The following TPCN1 variants were observed in gnomAD, a reference collection of about 807,000 sequenced individuals.
TPCN1 encodes the protein two pore channel protein 1.
In TPCN1, 52 loss-of-function variants were observed where a neutral mutation model predicts 108.8. The ratio of observed to expected loss-of-function variants is 0.48; its 90% CI spans 0.38 to 0.60. TPCN1 has a LOEUF of 0.60. TPCN1 is among the 20% of genes least tolerant of loss of function. TPCN1 has a pLI of 0.00. For synonymous variants in TPCN1, 446 were observed against 433.7 expected, an observed-to-expected ratio of 1.03 and a Z score of -0.35; for missense variants, 806 against 1,072.8, an observed-to-expected ratio of 0.75 and a Z score of 3.47.
rs560710381 is a variant in TPCN1 at position 113,277,355 on chromosome 12, C to T, written c.1175C>T (p.Pro392Leu). 1.4e-5 allele frequency: 22 copies of T among 1,614,180 alleles called. No homozygotes were observed. Among genetic ancestry groups the T allele is most frequent in the Middle Eastern group, 1.6e-4 (1 of 6,062 alleles). Residue 392 changes from proline to leucine, a missense_variant, in exon 12 of 28, where the codon CCC (proline) becomes CTC (leucine). Pro to Leu is a moderately conservative substitution (Grantham distance 98). Transcript: ENST00000335509. The part of the protein sequence containing the change: ...TFKALNQNNT[P>L]LLSLKDFYDI... The stretch of plus-strand genomic sequence containing the variant: ...AAGGCCCTGAATCAGAACAACACAC[C>T]CCTGCTCAGGTAAGAGCAGATGCCT...
intron 2 of TPCN1, among the ~76,000 whole-genome samples, chr12:113,246,517 A>G (rs1954390644): frequency 6.6e-6 from 1 of 152,194 alleles, no homozygotes; most frequent in Non-Finnish European, 1.5e-5. Flanking sequence ...TGTGGGAGCC[A>G]GGGAGACTGC....
intron 7 of TPCN1, among the ~76,000 whole-genome samples, chr12:113,270,561 A>G (rs1302311104): frequency 2.0e-5 from 3 of 150,116 alleles, no homozygotes; most frequent in Non-Finnish European, 4.4e-5. Context: ...GCTTACTACA[A>G]CCTCTGCCTC....
intron 4 of TPCN1, among the ~76,000 whole-genome samples, chr12:113,267,333 T>C (rs1955300020): frequency 6.6e-6 from 1 of 152,220 alleles, no homozygotes; most frequent in African/African-American, 2.4e-5. Context: ...TATAGATCTT[T>C]TGTAAATTAC....
At chr12:113,287,177 G>A in intron 19 of TPCN1, 83 bp downstream of exon 19, 1 of 1,159,842 alleles carries the variant, frequency 8.6e-7, no homozygotes. Context: ...AAGTGACCCA[G>A]AATGAGCCAG....
chr12:113,272,067 C>G lies in TPCN1; in HGVS notation c.749-591C>G, dbSNP rs1191671944. 6.6e-6 allele frequency among the ~76,000 whole-genome samples: 1 copy of G among 152,198 alleles called. No individual in the cohort carries two copies. Among genetic ancestry groups the G allele is most frequent in the African/African-American group, 2.4e-5 (1 of 41,440 alleles). On this transcript the variant is annotated intron_variant, in intron 7 of 27. Coordinates refer to ENST00000335509, the MANE Select transcript of TPCN1 (RefSeq NM_017901.6). The surrounding 1 kb of genome is among the most constrained non-coding windows in gnomAD (Gnocchi z 4.1). ...CCTGAGTCATGGCTCTCACTTCCTCCCACCCACCACCCCACTCTTGGTAGA... is the reference window on the plus strand; with the variant it reads ...CCTGAGTCATGGCTCTCACTTCCTCGCACCCACCACCCCACTCTTGGTAGA...
intron 11 of TPCN1, 98 bp from the exon 12 acceptor site, chr12:113,277,142 C>T: frequency 6.2e-7 from 1 of 1,601,072 alleles, no homozygotes; most frequent in Non-Finnish European, 8.5e-7. Context: ...AGGAACCCTG[C>T]CCTTGGAAGA....
Position 113,288,601 on chromosome 12 carries a change from G to A in TPCN1, c.1707-157G>A. 1 of 1,492,162 alleles carries A rather than the reference G, an allele frequency of 6.7e-7. No homozygotes were observed. The highest frequency in any genetic ancestry group is 8.9e-7 in the Non-Finnish European group (1 of 1,124,380). 92.4% of individuals were successfully genotyped at this position (1,492,162 alleles called of 1,614,324 possible). A position where few individuals can be genotyped will look rare whatever the true frequency, so the allele number is the denominator to read the frequency against. On this transcript the variant is annotated intron_variant, in intron 20 of 27. Coordinates refer to ENST00000335509, the MANE Select transcript of TPCN1 (RefSeq NM_017901.6). The surrounding 1 kb of genome is among the most constrained non-coding windows in gnomAD (Gnocchi z 4.8). ...TTGAGCTGTTTTTCACCCCAGAGCTGCCCCACGAGGCCCCTTCCCCGCAGG... is the reference window on the plus strand; with the variant it reads ...TTGAGCTGTTTTTCACCCCAGAGCTACCCCACGAGGCCCCTTCCCCGCAGG...
At chr12:113,282,393 T>C (rs1955918107) in intron 15 of TPCN1, among the ~76,000 whole-genome samples, 1 of 151,320 alleles carries the variant, frequency 6.6e-6, no homozygotes, top group Admixed American at 6.6e-5. Context: ...GCATCCGGCC[T>C]ACACATTTGG....
Position 113,291,969 on chromosome 12 carries a change from G to A in TPCN1, c.2113+11G>A. ...ACCAGGACTCGGAAGGTCTGTGCAG[G>A]GATGATGCCTTGGGCATTTGATATC... On this transcript the variant is annotated intron_variant, in intron 25 of 27. Transcript: ENST00000335509. 1 of 1,613,110 alleles carries A rather than the reference G, an allele frequency of 6.2e-7. No homozygotes were observed. The highest frequency in any genetic ancestry group is 8.5e-7 in the Non-Finnish European group (1 of 1,179,080).
intron 3 of TPCN1, 59 bp downstream of exon 3, chr12:113,260,551 C>A: frequency 6.5e-7 from 1 of 1,533,008 alleles, no homozygotes; most frequent in African/African-American, 1.4e-5. Flanking sequence ...GGTGGGGCAG[C>A]CAAGACTCTG....
intron 19 of TPCN1, among the ~76,000 whole-genome samples, chr12:113,287,634 C>A (rs1171788908): frequency 6.6e-6 from 1 of 152,236 alleles, no homozygotes; most frequent in Non-Finnish European, 1.5e-5. Flanking sequence ...GCAACCCCAT[C>A]CACGTCCGCC....
chr12:113,258,088 T>C (rs905503748), intron 2 of TPCN1, among the ~76,000 whole-genome samples: 3 of 152,232 alleles, frequency 2.0e-5, no homozygotes, highest in Non-Finnish European at 4.4e-5. Context: ...TTTACAGATA[T>C]GCACGTAGGT....
In TPCN1 at chr12:113,269,925, A is replaced by G; in HGVS notation, c.748+80A>G. The G allele has an allele frequency of 2.0e-6, 3 of 1,475,732 alleles. No individual in the cohort carries two copies. The highest frequency in any genetic ancestry group is 1.9e-6 in the Non-Finnish European group (2 of 1,064,168). 91.4% of individuals were successfully genotyped at this position (1,475,732 alleles called of 1,614,324 possible). A position where few individuals can be genotyped will look rare whatever the true frequency, so the allele number is the denominator to read the frequency against. Reference sequence around the variant, plus strand: ...TGAAAAATTATTTTGGGCCTGGCTCAGTGGCTCACGCCTGTAATCCTAGCA... The same window carrying G: ...TGAAAAATTATTTTGGGCCTGGCTCGGTGGCTCACGCCTGTAATCCTAGCA... On this transcript the variant is annotated intron_variant, in intron 7 of 27. Transcript: ENST00000335509. The surrounding 1 kb of genome is among the most constrained non-coding windows in gnomAD (Gnocchi z 5.0).
At chr12:113,271,814 A>G (rs1265545220) in intron 7 of TPCN1, among the ~76,000 whole-genome samples, 1 of 152,198 alleles carries the variant, frequency 6.6e-6, no homozygotes, top group Admixed American at 6.5e-5. Context: ...TGGGTACAGC[A>G]TGGTCACAGG....
chr12:113,256,477 A>T (rs1296653653), intron 2 of TPCN1, among the ~76,000 whole-genome samples: 1 of 152,222 alleles, frequency 6.6e-6, no homozygotes. Flanking sequence ...ACAAAGTTGG[A>T]GGATTAACAC....
At chr12:113,295,551 G>A (rs1593223762) in intron 27 of TPCN1, among the ~76,000 whole-genome samples, 1 of 151,956 alleles carries the variant, frequency 6.6e-6, no homozygotes, top group East Asian at 1.9e-4. Flanking sequence ...CCTTAGGCAG[G>A]TGAGGTATTC....
At position 113,288,353 on chromosome 12, in the gene TPCN1, C is replaced by T. The variant is rs1215847903; in HGVS notation, c.1706+119C>T. ...TTCCACAAAGGACTGCAATCGAGGGCCTGACGGGGCTCCAAGGAGCCTGGA... is the reference window on the plus strand; with the variant it reads ...TTCCACAAAGGACTGCAATCGAGGGTCTGACGGGGCTCCAAGGAGCCTGGA... On this transcript the variant is annotated intron_variant, in intron 20 of 27. Transcript: ENST00000335509. This position sits in a 1 kb window ranked among gnomAD's most constrained non-coding sequence, Gnocchi z 4.8. 6.5e-7 allele frequency: 1 copy of T among 1,529,098 alleles called. No homozygotes were observed. The highest frequency in any genetic ancestry group is 8.8e-7 in the Non-Finnish European group (1 of 1,140,134). 94.7% of individuals were successfully genotyped at this position (1,529,098 alleles called of 1,614,324 possible).
At chr12:113,236,502 G>A (rs1442988460) in intron 2 of TPCN1, among the ~76,000 whole-genome samples, 7 of 151,926 alleles carry the variant, frequency 4.6e-5, no homozygotes, top group African/African-American at 1.2e-4. Flanking sequence ...GAGAGGGACC[G>A]AACATCCCAG....
At chr12:113,291,088 C>CCCAGCCCTGCAAGCTACGG in intron 23 of TPCN1, 90 bp downstream of exon 23, 1 of 1,280,574 alleles carries the variant, frequency 7.8e-7, no homozygotes, top group Non-Finnish European at 1.1e-6. Context: ...TAATTCTTCC[C>CCCAGCCCTGCAAGCTACGG]GTAGCTTGCA....
Sources: allele counts gnomAD v4.1 joint callset (sites outside exome capture counted in the v4.1 genomes callset), GRCh38; gene constraint gnomAD v4.1.1; non-coding constraint Gnocchi (gnomAD v3.1); transcripts MANE v1.5; gene names NCBI Gene and HGNC (gene_info 2026-07-23, HGNC 2026-07-21).